The following TNRC6B variants were observed in gnomAD, a reference collection of about 807,000 sequenced individuals.
TNRC6B encodes the protein trinucleotide repeat-containing gene 6B protein.
A neutral mutation model predicts 203.6 loss-of-function variants in TNRC6B; 52 were observed. That is an observed-to-expected ratio of 0.26 (90% confidence interval 0.20 to 0.32). The LOEUF (loss-of-function observed/expected upper bound fraction) is 0.32, where lower values mean the gene tolerates loss of function less well. TNRC6B is among the 10% of genes least tolerant of loss of function. TNRC6B has a pLI of 1.00. For missense variants in TNRC6B, 1,923 were observed against 2,286.2 expected (o/e 0.84, Z 3.24); for synonymous variants, 838 against 845.7 (o/e 0.99, Z 0.16).
chr22:40,271,254 C>G (rs1370447701), intron 6 of TNRC6B, among the ~76,000 whole-genome samples: 1 of 152,176 alleles, frequency 6.6e-6, no homozygotes, highest in Non-Finnish European at 1.5e-5. Flanking sequence ...TTGTAACTTT[C>G]TTTAAAATGT....
chr22:40,053,246 C>T (rs995011539), intron 1 of TNRC6B, among the ~76,000 whole-genome samples: 1 of 151,240 alleles, frequency 6.6e-6, no homozygotes, highest in Non-Finnish European at 1.5e-5. Context: ...TTTAATAAGA[C>T]TGACTTTCTT....
intron 1 of TNRC6B, among the ~76,000 whole-genome samples, chr22:40,227,089 T>C (rs1014464994): frequency 6.9e-6 from 1 of 145,202 alleles, no homozygotes; most frequent in Non-Finnish European, 1.5e-5. Context: ...ATTATTATTA[T>C]TATTATTATT....
intron 21 of TNRC6B, among the ~76,000 whole-genome samples, chr22:40,316,226 C>T (rs980604814): frequency 6.6e-6 from 1 of 151,906 alleles, no homozygotes; most frequent in Non-Finnish European, 1.5e-5. Flanking sequence ...TGGTGGCGGG[C>T]GCCTGTAGTC....
chr22:40,124,935 C>G (rs2068476364), intron 2 of TNRC6B, among the ~76,000 whole-genome samples: 1 of 151,930 alleles, frequency 6.6e-6, no homozygotes, highest in African/African-American at 2.4e-5. Flanking sequence ...ATCGCTTGAA[C>G]CCAGGAGGTG....
chr22:40,054,962 G>C (rs753225646), intron 1 of TNRC6B, among the ~76,000 whole-genome samples: 1 of 152,070 alleles, frequency 6.6e-6, no homozygotes, highest in African/African-American at 2.4e-5. Context: ...GCTTGAGCCC[G>C]GGAGGCAGAG....
intron 11 of TNRC6B, among the ~76,000 whole-genome samples, chr22:40,283,229 G>A (rs9611306): frequency 0.31 from 47,423 of 151,912 alleles, 9,125 homozygotes; most frequent in East Asian, 0.55. Flanking sequence ...TAGTAGAGAT[G>A]GAGTTTCACC....
chr22:40,320,128 A>G (rs1215550091), intron 21 of TNRC6B, among the ~76,000 whole-genome samples: 2 of 152,202 alleles, frequency 1.3e-5, no homozygotes, highest in Non-Finnish European at 2.9e-5. Flanking sequence ...ATTCAATAGT[A>G]ATCTGTTTAT....
At chr22:40,187,395 T>C (rs1393743640) in intron 1 of TNRC6B, among the ~76,000 whole-genome samples, 2 of 152,158 alleles carry the variant, frequency 1.3e-5, no homozygotes, top group South Asian at 2.1e-4. Flanking sequence ...ATTCCAAAAT[T>C]TGAAATAGTG....
intron 21 of TNRC6B, among the ~76,000 whole-genome samples, chr22:40,316,671 T>C (rs2071263802): frequency 6.6e-6 from 1 of 152,064 alleles, no homozygotes; most frequent in South Asian, 2.1e-4. Flanking sequence ...CTGGCAGATA[T>C]GAAAGTTCAT....
chr22:40,214,698 A>C (rs538992571), intron 1 of TNRC6B, among the ~76,000 whole-genome samples: 1 of 152,172 alleles, frequency 6.6e-6, no homozygotes, highest in Non-Finnish European at 1.5e-5. Context: ...AACTACAGGC[A>C]CACACCACCA....
chr22:40,091,822 T>G (rs1458440162), intron 1 of TNRC6B, among the ~76,000 whole-genome samples: 1 of 152,072 alleles, frequency 6.6e-6, no homozygotes, highest in Non-Finnish European at 1.5e-5. Flanking sequence ...ATAATGAAAC[T>G]TAAAAAAAAA....
intron 3 of TNRC6B, among the ~76,000 whole-genome samples, chr22:40,138,356 C>G (rs1392275221): frequency 6.6e-6 from 1 of 152,228 alleles, no homozygotes; most frequent in Non-Finnish European, 1.5e-5. Flanking sequence ...ACCTCTGCCT[C>G]CCAGGCTCAG....
chr22:40,130,669 C>G (rs1168878887), intron 3 of TNRC6B, among the ~76,000 whole-genome samples: 1 of 147,074 alleles, frequency 6.8e-6, no homozygotes, highest in African/African-American at 2.6e-5. Flanking sequence ...TGCCTGTAGT[C>G]CCCCGCGGGA....
intron 12 of TNRC6B, among the ~76,000 whole-genome samples, chr22:40,294,805 G>T (rs1440233836): frequency 6.6e-6 from 1 of 152,224 alleles, no homozygotes; most frequent in Non-Finnish European, 1.5e-5. Context: ...CATTTTGTGT[G>T]AATTCAGAGC....
intron 3 of TNRC6B, among the ~76,000 whole-genome samples, chr22:40,127,621 C>T (rs532843564): frequency 6.6e-6 from 1 of 152,260 alleles, no homozygotes; most frequent in East Asian, 1.9e-4. Flanking sequence ...CCTGCAATCC[C>T]AGCACTTTGG....
intron 1 of TNRC6B, among the ~76,000 whole-genome samples, chr22:40,236,281 C>G (rs1486468124): frequency 2.0e-5 from 3 of 152,202 alleles, no homozygotes; most frequent in African/African-American, 7.2e-5. Context: ...ACCCTACCCC[C>G]CTTTGTATCC....
Position 40,328,978 on chromosome 22 carries a change from A to C in TNRC6B, c.*5737A>C, listed in dbSNP as rs541499823. On this transcript the variant is annotated 3_prime_UTR_variant, in exon 23 of 23. Transcript: ENST00000454349. ...CAGTGTTTTTGCCAAGTTTTGTCAC[A>C]CTTCATGTGTATGCATTAACTATAC... The C allele has an allele frequency of 6.6e-6, 1 of 152,434 alleles. No homozygotes were observed. Among genetic ancestry groups the C allele is most frequent in the South Asian group, 2.1e-4 (1 of 4,824 alleles). 9.4% of individuals were successfully genotyped at this position (152,434 alleles called of 1,614,324 possible). A position where few individuals can be genotyped will look rare whatever the true frequency, so the allele number is the denominator to read the frequency against.
chr22:40,125,905 C>A, intron 3 of TNRC6B: 1 of 1,586,354 alleles, frequency 6.3e-7, no homozygotes, highest in Non-Finnish European at 8.6e-7. Context: ...AGAAATTGAA[C>A]AGTAGAGGCT....
intron 1 of TNRC6B, among the ~76,000 whole-genome samples, chr22:40,230,290 T>TC: frequency 6.7e-6 from 1 of 148,836 alleles, no homozygotes; most frequent in East Asian, 1.9e-4. Context: ...TTCTTTTTTT[T>TC]TTTTTTTTTT....
Sources: allele counts gnomAD v4.1 joint callset (sites outside exome capture counted in the v4.1 genomes callset), GRCh38; gene constraint gnomAD v4.1.1; transcripts MANE v1.5; gene names NCBI Gene and HGNC (gene_info 2026-07-23, HGNC 2026-07-21).